The following PCM1 variants were observed in gnomAD, a reference collection of about 807,000 sequenced individuals.
PCM1 encodes the protein pericentriolar material 1.
PCM1 carries 157 observed loss-of-function variants against 241.9 expected under a neutral mutation model. The observed-to-expected ratio is 0.65, with a 90% confidence interval of 0.57 to 0.74. The LOEUF (loss-of-function observed/expected upper bound fraction) is 0.74, where lower values mean the gene tolerates loss of function less well. PCM1 is among the 30% of genes least tolerant of loss of function. The probability of loss-of-function intolerance (pLI) is 0.00; values close to 1 mark genes in which losing one functional copy is unlikely to be tolerated. For missense variants in PCM1, 3,478 were observed against 2,360.1 expected, an observed-to-expected ratio of 1.47 and a Z score of -9.81; for synonymous variants, 1,085 against 784.9, an observed-to-expected ratio of 1.38 and a Z score of -6.39.
chr8:17,964,421 C>T (rs971333058), intron 17 of PCM1, 147 bp from the exon 18 acceptor site: 2 of 585,806 alleles, frequency 3.4e-6, no homozygotes, highest in Admixed American at 3.1e-5. Flanking sequence ...GGGAGAGTGC[C>T]ACCCGTAGCA....
At chr8:17,940,012 TGTATGATTTATAC>T in intron 6 of PCM1, 151 bp downstream of exon 6, 1 of 1,399,230 alleles carries the variant, frequency 7.1e-7, no homozygotes, top group Non-Finnish European at 9.8e-7. Context: ...TTTTAATAGT[TGTATGATTTATAC>T]CGCTAAAATA....
chr8:17,985,610 T>C lies in PCM1; in HGVS notation c.4272T>C (p.Tyr1424=), dbSNP rs1289639467. 9 of 1,604,530 alleles carry C rather than the reference T, an allele frequency of 5.6e-6. No individual in the cohort carries two copies. Among genetic ancestry groups the C allele is most frequent in the Admixed American group, 3.4e-5 (2 of 58,988 alleles). ...NTDYLRQRAL[Y]ALQDIVSRHI... ...ACTACTTGAGACAGAGGGCTTTATA[T>C]GCATTGCAGGTATCTGGTACCTAAC... The change falls in exon 25 of 39, where the codon TAT becomes TAC. Residue 1424 remains tyrosine, a synonymous_variant. Coordinates refer to ENST00000325083, the MANE Select transcript of PCM1 (RefSeq NM_006197.4).
intron 13 of PCM1, 147 bp downstream of exon 13, chr8:17,957,922 C>T (rs1303402279): frequency 3.3e-6 from 2 of 612,106 alleles, no homozygotes; most frequent in Non-Finnish European, 5.6e-6. Context: ...ACTTTACATG[C>T]TGTATGTCAG....
chr8:17,956,776 C>T lies in PCM1; in HGVS notation c.1645C>T (p.Arg549Ter), dbSNP rs747573445. 2 of 1,603,358 alleles carry T rather than the reference C, an allele frequency of 1.2e-6. No individual in the cohort carries two copies. Among genetic ancestry groups the T allele is most frequent in the Non-Finnish European group, 8.5e-7 (1 of 1,173,382 alleles). ...HENSEPVTNIRNPQVASTWNE... is the reference protein window; with the variant it reads ...HENSEPVTNI The stretch of plus-strand genomic sequence containing the variant: ...AAATTCCGAGCCTGTTACTAACATT[C>T]GGTAAGAACTTTTCTGGGGATGTTT... The change falls in exon 11 of 39, where the codon CGA becomes TGA. Residue 549 changes from arginine (R) to a stop codon, truncating the protein, a stop_gained and splice_region_variant. Transcript: ENST00000325083. LOFTEE classifies it high-confidence loss of function.
At chr8:17,929,064 C>G (rs1313243334) in intron 2 of PCM1, among the ~76,000 whole-genome samples, 1 of 152,106 alleles carries the variant, frequency 6.6e-6, no homozygotes, top group Non-Finnish European at 1.5e-5. Flanking sequence ...TAATGACTTT[C>G]TTTATTTTTT....
intron 36 of PCM1, among the ~76,000 whole-genome samples, chr8:18,022,710 C>T (rs1205190271): frequency 2.0e-5 from 3 of 152,166 alleles, no homozygotes; most frequent in African/African-American, 4.8e-5. Context: ...TCCCTATATG[C>T]AGTCAGACTT....
rs774743804 is a variant in PCM1 at position 18,023,655 on chromosome 8, AT to A, written c.5842-1703del. Among the ~76,000 whole-genome samples, 282 of 152,284 alleles carry A rather than the reference AT, an allele frequency of 1.9e-3. 2 individuals carry two copies. The highest frequency in any genetic ancestry group is 3.3e-3 in the Non-Finnish European group (225 of 68,018). Reference sequence around the variant, plus strand: ...CAGATAAGCAAGGCCTCCTCCATTGATTTATTCAGTTGGTTAAATTTTAGGC... The same window carrying A: ...CAGATAAGCAAGGCCTCCTCCATTGATTATTCAGTTGGTTAAATTTTAGGC... On this transcript the variant is annotated intron_variant, in intron 36 of 38. Coordinates refer to ENST00000325083, the MANE Select transcript of PCM1 (RefSeq NM_006197.4).
intron 13 of PCM1, among the ~76,000 whole-genome samples, chr8:17,958,541 C>T (rs1010003287): frequency 2.6e-5 from 4 of 151,608 alleles, no homozygotes; most frequent in South Asian, 2.1e-4. Context: ...ATTGTATTAC[C>T]GTGTAACTAT....
rs201223912 is a variant in PCM1, at chr8:17,967,160, A to T, written c.3402A>T (p.Ser1134=). 3 of 1,588,748 alleles carry T rather than the reference A, an allele frequency of 1.9e-6. No homozygotes were observed. The highest frequency in any genetic ancestry group is 2.6e-6 in the Non-Finnish European group (3 of 1,165,928). ...TACCTGGATTTACTAACTTTTCATC[A>T]TTTGCACCAGGTAGGTGACTTAACC... ...FNIPGFTNFS[S]FAPGMNFSPL... Residue 1134 remains serine (S), a synonymous_variant, in exon 21 of 39, where the codon TCA becomes TCT. Transcript: ENST00000325083.
At chr8:17,963,039 T>G in intron 16 of PCM1, 62 bp from the exon 17 acceptor site, 1 of 1,247,492 alleles carries the variant, frequency 8.0e-7, no homozygotes. Flanking sequence ...AGTAGTCTTT[T>G]ACTCTTTTAG....
At position 17,957,786 on chromosome 8, in the gene PCM1, C is replaced by T. The variant is rs1563918236; in HGVS notation, c.2040+11C>T. 1.3e-6 allele frequency: 2 copies of T among 1,564,986 alleles called. No homozygotes were observed. The highest frequency in any genetic ancestry group is 1.7e-5 in the Admixed American group (1 of 58,902). Reference sequence around the variant, plus strand: ...GTTGCTATGGTACAGGTAAATATTGCTTGGTCTTTTAAAAACCTATTTGTC... The same window carrying T: ...GTTGCTATGGTACAGGTAAATATTGTTTGGTCTTTTAAAAACCTATTTGTC... On this transcript the variant is annotated intron_variant, in intron 13 of 38. Coordinates refer to ENST00000325083, the MANE Select transcript of PCM1 (RefSeq NM_006197.4).
chr8:18,027,084 A>T lies in PCM1; in HGVS notation c.6050-553A>T, dbSNP rs540795110. ...TTTTGTTGTTCTCCATCAGTTCATC[A>T]GTTGATGAAAATTGCATGATATCTC... On this transcript the variant is annotated intron_variant, in intron 38 of 38. Transcript: ENST00000325083. Among the ~76,000 whole-genome samples, 148 of 152,258 alleles carry T rather than the reference A, an allele frequency of 9.7e-4. 1 individual carries two copies. Among genetic ancestry groups the T allele is most frequent in the African/African-American group, 3.4e-3 (141 of 41,552 alleles).
At chr8:17,970,572 A>G (rs552547192) in intron 22 of PCM1, among the ~76,000 whole-genome samples, 1 of 151,906 alleles carries the variant, frequency 6.6e-6, no homozygotes, top group Admixed American at 6.6e-5. Flanking sequence ...GTTAAATCTC[A>G]TGTTGCTCTA....
At chr8:18,007,053 G>A (rs2091529953) in intron 30 of PCM1, among the ~76,000 whole-genome samples, 3 of 152,176 alleles carry the variant, frequency 2.0e-5, no homozygotes, top group Admixed American at 2.0e-4. Context: ...ACAGTGCCAA[G>A]GTTGAGAAAT....
chr8:17,973,019 A>G (rs1286166184), intron 23 of PCM1, among the ~76,000 whole-genome samples: 1 of 151,888 alleles, frequency 6.6e-6, no homozygotes, highest in Non-Finnish European at 1.5e-5. Flanking sequence ...CCTGCATCCA[A>G]CTCTTTGGTC....
rs371248440 is a variant in PCM1 at position 17,960,289 on chromosome 8, T to G, written c.2193-26T>G. On this transcript the variant is annotated intron_variant, in intron 14 of 38. Transcript: ENST00000325083. ...CTTCATCACATTTTATTGGAGTCCATAAATATAATGTCAATTTAATTGTAG... is the reference window on the plus strand; with the variant it reads ...CTTCATCACATTTTATTGGAGTCCAGAAATATAATGTCAATTTAATTGTAG... 9.4e-6 allele frequency: 15 copies of G among 1,590,836 alleles called. No individual in the cohort carries two copies. The East Asian group carries it at 3.4e-4, about 36-fold the overall frequency.
chr8:17,986,529 AT>A (rs1453179114), intron 26 of PCM1, among the ~76,000 whole-genome samples: 1 of 151,560 alleles, frequency 6.6e-6, no homozygotes, highest in Non-Finnish European at 1.5e-5. Flanking sequence ...AAAAATTGTA[AT>A]TTAATGTATT....
Position 18,010,521 on chromosome 8 carries a change from C to T in PCM1, c.5161-88C>T, listed in dbSNP as rs556926187. The T allele has an allele frequency of 1.2e-3, 1,063 of 919,396 alleles. 7 individuals carry two copies. Among genetic ancestry groups the T allele is most frequent in the Middle Eastern group, 7.0e-3 (33 of 4,688 alleles). The allele number at this position is 919,396 out of a possible 1,614,324, so 57.0% of individuals were successfully genotyped here. On this transcript the variant is annotated intron_variant, in intron 31 of 38. Coordinates refer to ENST00000325083, the MANE Select transcript of PCM1 (RefSeq NM_006197.4). ...CAGGCCAGGCTTAGGTCTATAATCCCAGTACTTTGGGAGGCTGAGACATGA... is the reference window on the plus strand; with the variant it reads ...CAGGCCAGGCTTAGGTCTATAATCCTAGTACTTTGGGAGGCTGAGACATGA...
At chr8:17,961,998 A>C in intron 15 of PCM1, 36 bp from the exon 16 acceptor site, 1 of 1,574,340 alleles carries the variant, frequency 6.4e-7, no homozygotes, top group Non-Finnish European at 8.6e-7. Context: ...TAATTGCTTT[A>C]ATTCCTCATA....
Sources: allele counts gnomAD v4.1 joint callset (sites outside exome capture counted in the v4.1 genomes callset), GRCh38; gene constraint gnomAD v4.1.1; transcripts MANE v1.5; gene names NCBI Gene and HGNC (gene_info 2026-07-23, HGNC 2026-07-21).